PDE10A: variants seen among roughly 807,000 people sequenced by gnomAD.
PDE10A encodes the protein cAMP and cAMP-inhibited cGMP 3',5'-cyclic phosphodiesterase 10A.
A neutral mutation model predicts 97.7 loss-of-function variants in PDE10A; 39 were observed. The ratio of observed to expected loss-of-function variants is 0.40; its 90% CI spans 0.31 to 0.52. The LOEUF is 0.52. Ranked by LOEUF, PDE10A falls within the 20% of genes least tolerant of loss-of-function variation. The probability of loss-of-function intolerance (pLI) is 0.56; values close to 1 mark genes in which losing one functional copy is unlikely to be tolerated. For missense variants in PDE10A, 731 were observed against 1,047.8 expected, an observed-to-expected ratio of 0.70 and a Z score of 4.17; for synonymous variants, 371 against 376.8, an observed-to-expected ratio of 0.98 and a Z score of 0.18.
rs1781224411 is a variant in PDE10A at position 165,329,534 on chromosome 6, A to G, written c.*3491T>C. On this transcript the variant is annotated 3_prime_UTR_variant, in exon 22 of 22. Coordinates refer to ENST00000539869, the MANE Select transcript of PDE10A (RefSeq NM_001385079.1). ...AATTTTGAGTTAAAAGACCAGAAAC[A>G]CAATACCCAAACCTAAACCTATTAA... 6.6e-6 allele frequency: 1 copy of G among 152,234 alleles called. No homozygotes were observed. The highest frequency in any genetic ancestry group is 2.4e-5 in the African/African-American group (1 of 41,472). 9.4% of individuals were successfully genotyped at this position (152,234 alleles called of 1,614,324 possible). A position where few individuals can be genotyped will look rare whatever the true frequency, so the allele number is the denominator to read the frequency against.
intron 13 of PDE10A, among the ~76,000 whole-genome samples, chr6:165,401,923 C>T (rs1241256618): frequency 6.6e-6 from 1 of 152,140 alleles, no homozygotes; most frequent in East Asian, 1.9e-4. Flanking sequence ...GAGATGATAG[C>T]GTAGATTCTG....
intron 1 of PDE10A, among the ~76,000 whole-genome samples, chr6:165,677,290 C>T (rs1790825980): frequency 6.6e-6 from 1 of 152,224 alleles, no homozygotes. Flanking sequence ...GCTCAAGCTG[C>T]AACACCAGCT....
chr6:165,357,362 T>C (rs1783092830), intron 18 of PDE10A, among the ~76,000 whole-genome samples: 1 of 152,198 alleles, frequency 6.6e-6, no homozygotes, highest in African/African-American at 2.4e-5. Context: ...ATTTACTGTT[T>C]TTGTGATGTT....
At chr6:165,513,215 TATG>T (rs1439158928) in intron 2 of PDE10A, among the ~76,000 whole-genome samples, 4 of 152,066 alleles carry the variant, frequency 2.6e-5, no homozygotes, top group Non-Finnish European at 5.9e-5. Context: ...TAATGTAGCT[TATG>T]ATATGACAGA....
At chr6:165,695,843 C>A (rs1483580201) in intron 1 of PDE10A, among the ~76,000 whole-genome samples, 2 of 152,106 alleles carry the variant, frequency 1.3e-5, no homozygotes, top group South Asian at 2.1e-4. Context: ...GAAAAAATAT[C>A]GAACGTTGAC....
chr6:165,902,401 A>C (rs917700476), intron 1 of PDE10A, among the ~76,000 whole-genome samples: 1 of 152,224 alleles, frequency 6.6e-6, no homozygotes, highest in East Asian at 1.9e-4. Flanking sequence ...AGGTCAAATG[A>C]TCAGCTGACT....
chr6:165,754,464 T>A (rs1249018728), intron 1 of PDE10A: 2 of 152,220 alleles, frequency 1.3e-5, no homozygotes, highest in Non-Finnish European at 2.9e-5. Flanking sequence ...TTCAGCAAAG[T>A]GCTGTTGGAG....
rs56664263 is a variant in PDE10A, at chr6:165,539,927, A to AAATCAATCAATCAATC, written c.994+3512_994+3513insGATTGATTGATTGATT. On this transcript the variant is annotated intron_variant, in intron 2 of 21. Coordinates refer to ENST00000539869, the MANE Select transcript of PDE10A (RefSeq NM_001385079.1). ...GGCAACAGAGCAACACTTTGCTCAA[A>AAATCAATCAATCAATC]AATCAATCAATCAATTATATAATAT... Among the ~76,000 whole-genome samples the AAATCAATCAATCAATC allele has an allele frequency of 4.0e-5, 6 of 151,744 alleles. No individual in the cohort carries two copies. The East Asian group carries it at 7.8e-4, about 20-fold the overall frequency.
At position 165,661,764 on chromosome 6, in the gene PDE10A, G is replaced by A. The variant is rs1240869148; in HGVS notation, c.865+183C>T. 1.3e-5 allele frequency among the ~76,000 whole-genome samples: 2 copies of A among 152,080 alleles called. No individual in the cohort carries two copies. The highest frequency in any genetic ancestry group is 4.8e-5 in the African/African-American group (2 of 41,446). On this transcript the variant is annotated intron_variant, in intron 1 of 21. Transcript: ENST00000539869. This position sits in a 1 kb window ranked among gnomAD's most constrained non-coding sequence, Gnocchi z 4.8. The stretch of plus-strand genomic sequence containing the variant: ...CCCCGGCGTCCCTGCGCGGCCGAAC[G>A]CTCCCGCGCTCCGCCAGGGGCACCG...
At chr6:165,380,415 A>G (rs1235508297) in intron 17 of PDE10A, among the ~76,000 whole-genome samples, 1 of 152,202 alleles carries the variant, frequency 6.6e-6, no homozygotes, top group African/African-American at 2.4e-5. Flanking sequence ...GAAATTGTAC[A>G]TGCACCATTT....
chr6:165,871,456 G>A (rs1781202292), intron 1 of PDE10A, among the ~76,000 whole-genome samples: 1 of 152,188 alleles, frequency 6.6e-6, no homozygotes. Flanking sequence ...GAATGCAGGG[G>A]GACAGGAGAG....
intron 1 of PDE10A, among the ~76,000 whole-genome samples, chr6:165,608,709 C>T (rs1394281812): frequency 6.6e-6 from 1 of 152,182 alleles, no homozygotes; most frequent in African/African-American, 2.4e-5. Context: ...AATGGTTGAA[C>T]TAGTTTAAAG....
At chr6:165,881,565 A>T (rs1354849509) in intron 1 of PDE10A, among the ~76,000 whole-genome samples, 3 of 134,420 alleles carry the variant, frequency 2.2e-5, no homozygotes, top group Admixed American at 7.5e-5. Context: ...TGCCCAGCTA[A>T]TTTTTTTTTT....
At chr6:165,539,748 C>T (rs1315882185) in intron 2 of PDE10A, among the ~76,000 whole-genome samples, 1 of 148,196 alleles carries the variant, frequency 6.7e-6, no homozygotes, top group Non-Finnish European at 1.5e-5. Context: ...CGTTGAAACT[C>T]TGTCTCTAAT....
chr6:165,838,862 T>C (rs969894092), intron 1 of PDE10A, among the ~76,000 whole-genome samples: 1 of 152,232 alleles, frequency 6.6e-6, no homozygotes, highest in African/African-American at 2.4e-5. Context: ...CTACCTGTGA[T>C]CTGAAGGCCA....
intron 2 of PDE10A, among the ~76,000 whole-genome samples, chr6:165,495,542 T>TAG (rs2128291136): frequency 7.5e-6 from 1 of 133,480 alleles, no homozygotes; most frequent in South Asian, 2.3e-4. Context: ...CTAAAAACAC[T>TAG]CGAGTATTTT....
intron 2 of PDE10A, among the ~76,000 whole-genome samples, chr6:165,492,853 G>T (rs1219940467): frequency 1.3e-5 from 2 of 151,958 alleles, no homozygotes; most frequent in Non-Finnish European, 2.9e-5. Flanking sequence ...AATCAAACAA[G>T]AGAAAGAAAG....
chr6:165,642,058 ACT>A (rs1241229412), intron 1 of PDE10A, among the ~76,000 whole-genome samples: 2 of 151,990 alleles, frequency 1.3e-5, no homozygotes, highest in Non-Finnish European at 2.9e-5. Context: ...CGGGGGTGTA[ACT>A]TACTGCTTTG....
intron 1 of PDE10A, chr6:165,781,246 G>A (rs1053907694): frequency 6.6e-6 from 1 of 152,206 alleles, no homozygotes; most frequent in Non-Finnish European, 1.5e-5. Context: ...ATGGCCTTGA[G>A]CTGCCCAGAC....
Sources: allele counts gnomAD v4.1 joint callset (sites outside exome capture counted in the v4.1 genomes callset), GRCh38; gene constraint gnomAD v4.1.1; non-coding constraint Gnocchi (gnomAD v3.1); transcripts MANE v1.5; gene names NCBI Gene and HGNC (gene_info 2026-07-23, HGNC 2026-07-21).